Variants in ULBP3 observed in about 807,000 individuals in gnomAD.
The protein encoded by ULBP3 is UL16-binding protein 3.
Under a neutral mutation model 24.9 loss-of-function variants are expected in ULBP3, and 25 were observed. The ratio of observed to expected loss-of-function variants is 1.00; its 90% CI spans 0.73 to 1.40. The LOEUF (loss-of-function observed/expected upper bound fraction) is 1.40, where lower values mean the gene tolerates loss of function less well. Ranked by LOEUF, ULBP3 falls within the 40% of genes most tolerant of loss-of-function variation. The probability of loss-of-function intolerance (pLI) is 0.00; values close to 1 mark genes in which losing one functional copy is unlikely to be tolerated. For missense variants in ULBP3, 306 were observed against 307.5 expected (o/e 1.00, Z 0.04); for synonymous variants, 114 against 114.7 (o/e 0.99, Z 0.04).
In ULBP3 at chr6:150,065,636, A is replaced by G. The variant is rs754541250; in HGVS notation, c.390T>C (p.Cys130=). The G allele has an allele frequency of 9.3e-6, 15 of 1,614,196 alleles. No homozygotes were observed. In the South Asian group the frequency reaches 1.3e-4, roughly 14 times the overall value. Residue 130 remains cysteine (C), a synonymous_variant, in exon 3 of 5, where the codon TGT becomes TGC. Transcript: ENST00000367339. ...ATCCACGGATGTATCCATCGGCTTC[A>G]CACTCACAAGACATCCTGACCTGCA... ...LTLQVRMSCE[C]EADGYIRGSW...
intron 1 of ULBP3, 99 bp from the exon 2 acceptor site, chr6:150,066,261 G>A: frequency 7.3e-7 from 1 of 1,363,188 alleles, no homozygotes; most frequent in South Asian, 1.4e-5. Flanking sequence ...TGGGCTGGCA[G>A]AGCATGGATT....
At chr6:150,063,947 A>C (rs897004798) in intron 4 of ULBP3, among the ~76,000 whole-genome samples, 4 of 152,182 alleles carry the variant, frequency 2.6e-5, no homozygotes, top group African/African-American at 9.7e-5. Context: ...TGGCAGTGGC[A>C]TCGTCCCAGG....
intron 1 of ULBP3, among the ~76,000 whole-genome samples, chr6:150,067,513 G>A (rs115209783): frequency 0.027 from 4,039 of 152,292 alleles, 177 homozygotes; most frequent in African/African-American, 0.093. Context: ...TCTGTGTCAG[G>A]TCCAGCTTAG....
chr6:150,068,833 G>C, intron 1 of ULBP3, 146 bp downstream of exon 1: 1 of 838,264 alleles, frequency 1.2e-6, no homozygotes, highest in Non-Finnish European at 1.7e-6. Context: ...TGGCGAAAAA[G>C]AGCAGCGAAT....
At chr6:150,066,653 C>A (rs774773843) in intron 1 of ULBP3, among the ~76,000 whole-genome samples, 2 of 152,192 alleles carry the variant, frequency 1.3e-5, no homozygotes, top group Non-Finnish European at 2.9e-5. Context: ...CCGCATGAAA[C>A]AGAAAACCCA....
rs1198267545 is a variant in ULBP3, at chr6:150,061,152, T to C, written c.*2222A>G. ...ACAACTTACGATTATTTTAAATGAC[T>C]AGAGTTTAGTTTTTGATCTGGGTTA... On this transcript the variant is annotated 3_prime_UTR_variant, in exon 5 of 5. Transcript: ENST00000367339. Among the ~76,000 whole-genome samples the C allele has an allele frequency of 1.3e-5, 2 of 152,202 alleles. No individual in the cohort carries two copies. The highest frequency in any genetic ancestry group is 6.5e-5 in the Admixed American group (1 of 15,280).
rs1488927234 is a variant in ULBP3, at chr6:150,062,384, T to A, written c.*990A>T. Among the ~76,000 whole-genome samples, 1 of 152,134 alleles carries A rather than the reference T, an allele frequency of 6.6e-6. No homozygotes were observed. Among genetic ancestry groups the A allele is most frequent in the East Asian group, 1.9e-4 (1 of 5,184 alleles). The stretch of plus-strand genomic sequence containing the variant: ...ACCTGCGCAACATAGGAAGACCCAA[T>A]CTCTACCTAAATATAAAACAATTTG... On this transcript the variant is annotated 3_prime_UTR_variant, in exon 5 of 5. Coordinates refer to ENST00000367339, the MANE Select transcript of ULBP3 (RefSeq NM_024518.3).
rs1438682136 is a variant in ULBP3 at position 150,062,829 on chromosome 6, G to A, written c.*545C>T. Reference sequence around the variant, plus strand: ...TGTTAAGAAAAATGGCTGGCCGGGCGCGGTGGCTCACGCCTGTAATCCCAG... The same window carrying A: ...TGTTAAGAAAAATGGCTGGCCGGGCACGGTGGCTCACGCCTGTAATCCCAG... On this transcript the variant is annotated 3_prime_UTR_variant, in exon 5 of 5. Coordinates refer to ENST00000367339, the MANE Select transcript of ULBP3 (RefSeq NM_024518.3). 7.4e-5 allele frequency among the ~76,000 whole-genome samples: 11 copies of A among 148,278 alleles called. No individual in the cohort carries two copies. The highest frequency in any genetic ancestry group is 4.3e-4 in the South Asian group (2 of 4,642).
In ULBP3 at chr6:150,068,781, C is replaced by G. The variant is rs190136805; in HGVS notation, c.88+198G>C. Among the ~76,000 whole-genome samples the G allele has an allele frequency of 3.3e-4, 50 of 152,344 alleles. No individual in the cohort carries two copies. The South Asian group carries it at 4.1e-3, about 13-fold the overall frequency. Reference sequence around the variant, plus strand: ...TCTTTTTTCGCCTTCTTTGACCCCCCTCCTGCTCTGCAGGGCAAGCAGCAG... The same window carrying G: ...TCTTTTTTCGCCTTCTTTGACCCCCGTCCTGCTCTGCAGGGCAAGCAGCAG... On this transcript the variant is annotated intron_variant, in intron 1 of 4. Transcript: ENST00000367339.
At chr6:150,064,794 G>A in intron 3 of ULBP3, 81 bp from the exon 4 acceptor site, 1 of 1,444,310 alleles carries the variant, frequency 6.9e-7, no homozygotes, top group Non-Finnish European at 9.6e-7. Context: ...TGCTACCCCA[G>A]GTCATCCGGG....
intron 3 of ULBP3, 147 bp downstream of exon 3, chr6:150,065,251 A>C: frequency 8.5e-7 from 1 of 1,175,622 alleles, no homozygotes; most frequent in Non-Finnish European, 1.2e-6. Context: ...TCTTACACTC[A>C]CTCAAACACA....
chr6:150,063,657 G>C (rs1323386691), intron 4 of ULBP3, among the ~76,000 whole-genome samples: 1 of 152,208 alleles, frequency 6.6e-6, no homozygotes, highest in Non-Finnish European at 1.5e-5. Flanking sequence ...GAGGACCTGG[G>C]GGAGCCCTGT....
chr6:150,066,213 C>T, intron 1 of ULBP3, 51 bp from the exon 2 acceptor site: 1 of 1,577,788 alleles, frequency 6.3e-7, no homozygotes, highest in Non-Finnish European at 8.6e-7. Context: ...GGGGAAAGAC[C>T]CCAAACACTG....
At chr6:150,067,160 G>A (rs925255827) in intron 1 of ULBP3, among the ~76,000 whole-genome samples, 1 of 152,150 alleles carries the variant, frequency 6.6e-6, no homozygotes, top group African/African-American at 2.4e-5. Context: ...TGCAAGGATG[G>A]ATGACCAGGA....
rs1364746699 is a variant in ULBP3, at chr6:150,062,139, G to A, written c.*1235C>T. ...TCTGGATATTGGACCTTTGTCAGAT[G>A]CAGAGTTTGCAAATAGTTTCCCCAT... is the stretch of plus-strand genomic sequence containing the variant. On this transcript the variant is annotated 3_prime_UTR_variant, in exon 5 of 5. Transcript: ENST00000367339. 2.0e-5 allele frequency among the ~76,000 whole-genome samples: 3 copies of A among 152,180 alleles called. No homozygotes were observed. The highest frequency in any genetic ancestry group is 4.8e-5 in the African/African-American group (2 of 41,438).
At chr6:150,067,670 C>T (rs1776367114) in intron 1 of ULBP3, among the ~76,000 whole-genome samples, 1 of 152,194 alleles carries the variant, frequency 6.6e-6, no homozygotes, top group African/African-American at 2.4e-5. Context: ...CTCAACTCTG[C>T]TCTTATAGCT....
chr6:150,065,796 C>A, intron 2 of ULBP3, 103 bp downstream of exon 2: 1 of 1,578,656 alleles, frequency 6.3e-7, no homozygotes, highest in South Asian at 1.2e-5. Context: ...GCCCTTGCTG[C>A]TGGGCTTCAT....
At chr6:150,067,749 G>A (rs544088350) in intron 1 of ULBP3, among the ~76,000 whole-genome samples, 242 of 152,242 alleles carry the variant, frequency 1.6e-3, no homozygotes, top group Admixed American at 2.7e-3. Flanking sequence ...ATTTGACCCT[G>A]GACTCCCTAA....
At position 150,062,899 on chromosome 6, in the gene ULBP3, G is replaced by A. The variant is rs1343978464; in HGVS notation, c.*475C>T. Among the ~76,000 whole-genome samples the A allele has an allele frequency of 2.7e-4, 41 of 151,806 alleles. No individual in the cohort carries two copies. The highest frequency in any genetic ancestry group is 9.7e-4 in the African/African-American group (40 of 41,372). ...AGGTGGATCATGAGGTCAGGAGATC[G>A]AGACCATCCTGGCTAACAAGGTGAA... On this transcript the variant is annotated 3_prime_UTR_variant, in exon 5 of 5. Coordinates refer to ENST00000367339, the MANE Select transcript of ULBP3 (RefSeq NM_024518.3).
Sources: allele counts gnomAD v4.1 joint callset (sites outside exome capture counted in the v4.1 genomes callset), GRCh38; gene constraint gnomAD v4.1.1; transcripts MANE v1.5; gene names NCBI Gene and HGNC (gene_info 2026-07-23, HGNC 2026-07-21).